GPR107: variants seen among roughly 807,000 people sequenced by gnomAD.
GPR107 encodes the protein protein GPR107.
Under a neutral mutation model 75.5 loss-of-function variants are expected in GPR107, and 31 were observed. The observed-to-expected ratio is 0.41, with a 90% CI of 0.31 to 0.55. The LOEUF is 0.55. GPR107 is among the 20% of genes least tolerant of loss of function. GPR107 has a pLI of 0.26. For missense variants in GPR107, 572 were observed against 665.7 expected (o/e 0.86, Z 1.55); for synonymous variants, 267 against 251.3 (o/e 1.06, Z -0.59).
At chr9:130,133,245 T>C (rs1030921368) in intron 17 of GPR107, 8 of 152,372 alleles carry the variant, frequency 5.3e-5, no homozygotes, top group African/African-American at 1.9e-4. Context: ...TGGCCCACCA[T>C]GTGGAAAGGA....
chr9:130,110,281 G>A (rs1564678530), intron 14 of GPR107: 12 of 768,494 alleles, frequency 1.6e-5, no homozygotes, highest in Non-Finnish European at 2.1e-5. Context: ...TTGTCCCCCA[G>A]CATCTGTAGT....
chr9:130,108,789 C>T, intron 14 of GPR107: 1 of 455,792 alleles, frequency 2.2e-6, no homozygotes, highest in South Asian at 1.5e-5. Flanking sequence ...CCCTTCTTTT[C>T]CCTCTGGAGT....
intron 1 of GPR107, among the ~76,000 whole-genome samples, chr9:130,068,345 C>T (rs1360221866): frequency 6.6e-6 from 1 of 150,784 alleles, no homozygotes; most frequent in Non-Finnish European, 1.5e-5. Context: ...GATCTTGTGG[C>T]TTTTTTTTTC....
At chr9:130,124,180 G>A (rs1051023409) in intron 14 of GPR107, among the ~76,000 whole-genome samples, 2 of 152,216 alleles carry the variant, frequency 1.3e-5, no homozygotes, top group African/African-American at 4.8e-5. Flanking sequence ...AACTGAATCA[G>A]TAATTGAATG....
At chr9:130,081,993 T>A (rs188196028) in intron 5 of GPR107, among the ~76,000 whole-genome samples, 25 of 152,192 alleles carry the variant, frequency 1.6e-4, no homozygotes, top group African/African-American at 5.8e-4. Flanking sequence ...TCAGGAAGCT[T>A]CCAATCATGG....
At chr9:130,115,969 CTT>C (rs1275435344) in intron 14 of GPR107, among the ~76,000 whole-genome samples, 4 of 152,156 alleles carry the variant, frequency 2.6e-5, no homozygotes, top group Admixed American at 6.5e-5. Context: ...CCAAAACTCT[CTT>C]GTCATTACTT....
intron 9 of GPR107, among the ~76,000 whole-genome samples, chr9:130,093,696 A>C (rs1830795889): frequency 6.6e-6 from 1 of 152,146 alleles, no homozygotes. Flanking sequence ...GAAAAATCCT[A>C]TGGGCGAGGT....
At chr9:130,088,818 G>A (rs987476770) in intron 7 of GPR107, among the ~76,000 whole-genome samples, 13 of 152,078 alleles carry the variant, frequency 8.5e-5, no homozygotes, top group Middle Eastern at 3.2e-3. Context: ...AATACAAAAG[G>A]CACTTTTCTC....
At chr9:130,109,451 G>A (rs1271695346) in intron 14 of GPR107, among the ~76,000 whole-genome samples, 1 of 151,080 alleles carries the variant, frequency 6.6e-6, no homozygotes, top group Non-Finnish European at 1.5e-5. Context: ...GATTACAGAT[G>A]TGAACCACCA....
At position 130,137,260 on chromosome 9, in the gene GPR107, A is replaced by T. The variant is rs1267850425; in HGVS notation, c.*2139A>T. 2.0e-5 allele frequency: 3 copies of T among 152,314 alleles called. No individual in the cohort carries two copies. Among genetic ancestry groups the T allele is most frequent in the Admixed American group, 6.5e-5 (1 of 15,282 alleles). The allele number at this position is 152,314 out of a possible 1,614,324, so 9.4% of individuals were successfully genotyped here. ...AAGCGAGGAAGCCAGGCAGTGGAGG[A>T]ACTAGAGAGAGGCAGGCGTGTGTGT... On this transcript the variant is annotated 3_prime_UTR_variant, in exon 18 of 18. Coordinates refer to ENST00000347136, the MANE Select transcript of GPR107 (RefSeq NM_020960.5).
intron 14 of GPR107, among the ~76,000 whole-genome samples, chr9:130,123,315 C>T (rs1471523816): frequency 5.9e-5 from 9 of 152,016 alleles, no homozygotes; most frequent in African/African-American, 1.7e-4. Context: ...AGCAATTCTC[C>T]GTCTCAGCCT....
chr9:130,069,996 T>C (rs1308317267), intron 1 of GPR107, among the ~76,000 whole-genome samples: 5 of 37,274 alleles, frequency 1.3e-4, no homozygotes, highest in Admixed American at 3.8e-4. Flanking sequence ...TTTTTTTTTT[T>C]TTTTTTTTTT....
At chr9:130,077,436 G>T (rs1830376640) in intron 4 of GPR107, 58 bp downstream of exon 4, 3 of 869,022 alleles carry the variant, frequency 3.5e-6, no homozygotes, top group Admixed American at 3.4e-5. Context: ...GGAGAATTTA[G>T]TAGTATGCTA....
chr9:130,071,131 G>A (rs762862476), intron 1 of GPR107, among the ~76,000 whole-genome samples: 6 of 147,898 alleles, frequency 4.1e-5, no homozygotes, highest in Non-Finnish European at 4.4e-5. Context: ...GACATCCTGG[G>A]CTAAAGCAAT....
chr9:130,125,007 A>C (rs1377704888), intron 15 of GPR107, 43 bp downstream of exon 15: 1 of 1,002,942 alleles, frequency 1.0e-6, no homozygotes, highest in South Asian at 1.6e-5. Flanking sequence ...AAATAAAATC[A>C]ATTCAAGGAG....
At chr9:130,056,932 A>G in intron 1 of GPR107, among the ~76,000 whole-genome samples, 2 of 137,854 alleles carry the variant, frequency 1.5e-5, no homozygotes, top group African/African-American at 5.3e-5. Flanking sequence ...CTCAAAAAAA[A>G]AAAAAAAAAA....
intron 5 of GPR107, among the ~76,000 whole-genome samples, chr9:130,082,838 A>G (rs527567941): frequency 2.0e-5 from 3 of 152,112 alleles, no homozygotes; most frequent in South Asian, 2.1e-4. Flanking sequence ...GAAAGAAGCC[A>G]TTAGCAATCT....
chr9:130,122,715 G>A (rs1342370370), intron 14 of GPR107, among the ~76,000 whole-genome samples: 1 of 152,158 alleles, frequency 6.6e-6, no homozygotes, highest in Non-Finnish European at 1.5e-5. Flanking sequence ...TGGTGAGTTT[G>A]TATTGACTGA....
chr9:130,059,171 C>T (rs1829868427), intron 1 of GPR107, among the ~76,000 whole-genome samples: 2 of 152,168 alleles, frequency 1.3e-5, no homozygotes, highest in Admixed American at 6.6e-5. Context: ...ATGTTATCAG[C>T]ATTTGTCATT....
Sources: allele counts gnomAD v4.1 joint callset (sites outside exome capture counted in the v4.1 genomes callset), GRCh38; gene constraint gnomAD v4.1.1; transcripts MANE v1.5; gene names NCBI Gene and HGNC (gene_info 2026-07-23, HGNC 2026-07-21).